Variants in LAMA3 observed in about 807,000 individuals in gnomAD.
LAMA3 encodes the protein laminin subunit alpha 3, also known as laminin subunit alpha-3.
LAMA3 carries 281 observed loss-of-function variants against 402.0 expected under a neutral mutation model. The observed-to-expected ratio is 0.70, with a 90% CI of 0.63 to 0.77. The LOEUF (loss-of-function observed/expected upper bound fraction) is 0.77, where lower values mean the gene tolerates loss of function less well. Among genes scored for constraint, LAMA3 ranks in the 30% least tolerant of loss-of-function variants. The pLI is 0.00. For synonymous variants in LAMA3, 1,431 were observed against 1,558.4 expected, an observed-to-expected ratio of 0.92 and a Z score of 1.93; for missense variants, 3,840 against 4,215.5, an observed-to-expected ratio of 0.91 and a Z score of 2.47.
intron 67 of LAMA3, among the ~76,000 whole-genome samples, chr18:23,934,586 C>A (rs1184389282): frequency 6.6e-6 from 1 of 152,214 alleles, no homozygotes; most frequent in Non-Finnish European, 1.5e-5. Flanking sequence ...TCAAGGTCAA[C>A]AATGTAACTT....
intron 19 of LAMA3, among the ~76,000 whole-genome samples, chr18:23,820,585 G>A (rs1244141293): frequency 6.6e-6 from 1 of 152,110 alleles, no homozygotes; most frequent in African/African-American, 2.4e-5. Flanking sequence ...GTATTAGAAT[G>A]AGTAGGGGAA....
intron 61 of LAMA3, 55 bp from the exon 62 acceptor site, chr18:23,921,397 G>A: frequency 1.3e-6 from 2 of 1,587,410 alleles, no homozygotes; most frequent in East Asian, 4.5e-5. Flanking sequence ...GAACCCCTGT[G>A]AATAGGATTC....
At chr18:23,945,532 T>G (rs2145519608) in intron 69 of LAMA3, among the ~76,000 whole-genome samples, 1 of 152,292 alleles carries the variant, frequency 6.6e-6, no homozygotes, top group South Asian at 2.1e-4. Flanking sequence ...TTGAGTGGCC[T>G]GTCAGACCTT....
intron 24 of LAMA3, among the ~76,000 whole-genome samples, chr18:23,835,918 G>C (rs2063572187): frequency 6.6e-6 from 1 of 152,138 alleles, no homozygotes; most frequent in Non-Finnish European, 1.5e-5. Flanking sequence ...TTTCAAAGTA[G>C]TGCTGTGATA....
intron 12 of LAMA3, among the ~76,000 whole-genome samples, chr18:23,808,457 C>A (rs1349879733): frequency 6.6e-6 from 1 of 152,082 alleles, no homozygotes; most frequent in African/African-American, 2.4e-5. Flanking sequence ...GGAAGGCTAA[C>A]TATATGTGTT....
At chr18:23,788,466 C>A (rs772452540) in intron 12 of LAMA3, among the ~76,000 whole-genome samples, 7 of 151,460 alleles carry the variant, frequency 4.6e-5, no homozygotes, top group Non-Finnish European at 8.9e-5. Flanking sequence ...ATATCTAATA[C>A]AGAAGAAAAC....
intron 2 of LAMA3, among the ~76,000 whole-genome samples, chr18:23,721,754 G>T (rs1271226425): frequency 3.3e-5 from 5 of 152,110 alleles, no homozygotes; most frequent in African/African-American, 7.2e-5. Flanking sequence ...ACCCATGGCA[G>T]CTCTCCCCAT....
intron 12 of LAMA3, chr18:23,795,982 G>A: frequency 2.9e-6 from 1 of 341,476 alleles, no homozygotes; most frequent in South Asian, 2.3e-5. Flanking sequence ...AGAGACACAA[G>A]ATAGCTCGTT....
chr18:23,896,745 G>A (rs1344782827), intron 44 of LAMA3, among the ~76,000 whole-genome samples: 1 of 152,124 alleles, frequency 6.6e-6, no homozygotes, highest in African/African-American at 2.4e-5. Context: ...CTACAGACCT[G>A]GATCTATGCT....
At chr18:23,780,371 G>C (rs1482887170) in intron 11 of LAMA3, among the ~76,000 whole-genome samples, 1 of 151,960 alleles carries the variant, frequency 6.6e-6, no homozygotes, top group African/African-American at 2.4e-5. Flanking sequence ...GGAGAAAGGA[G>C]AGAGACAGAA....
intron 1 of LAMA3, among the ~76,000 whole-genome samples, chr18:23,713,673 C>T (rs1383705444): frequency 1.3e-5 from 2 of 152,052 alleles, no homozygotes; most frequent in African/African-American, 4.8e-5. Flanking sequence ...GATAAATAGA[C>T]CCCATATCCT....
Position 23,879,342 on chromosome 18 carries a change from A to G in LAMA3, c.5113-2594A>G, listed in dbSNP as rs773637065. Among the ~76,000 whole-genome samples, 32 of 152,230 alleles carry G rather than the reference A, an allele frequency of 2.1e-4. No individual in the cohort carries two copies. The highest frequency in any genetic ancestry group is 3.2e-4 in the Non-Finnish European group (22 of 68,020). On this transcript the variant is annotated intron_variant, in intron 39 of 74. Transcript: ENST00000313654. This position sits in a 1 kb window ranked among gnomAD's most constrained non-coding sequence, Gnocchi z 4.2. Reference sequence around the variant, plus strand: ...TGCTATTGTGAGACTGAGGTTCTGCACGCTGTGTCCCCTGTGCCTGGAATG... The same window carrying G: ...TGCTATTGTGAGACTGAGGTTCTGCGCGCTGTGTCCCCTGTGCCTGGAATG...
chr18:23,853,708 C>G (rs1222191853), intron 32 of LAMA3, among the ~76,000 whole-genome samples: 1 of 152,224 alleles, frequency 6.6e-6, no homozygotes. Flanking sequence ...GATAAATTCT[C>G]TTGACCTGCC....
In LAMA3 at chr18:23,827,483, A is replaced by G. The variant is rs769137868; in HGVS notation, c.2823+16A>G. 3.1e-6 allele frequency: 5 copies of G among 1,613,374 alleles called. No homozygotes were observed. In the African/African-American group the frequency reaches 4.0e-5, roughly 13 times the overall value. On this transcript the variant is annotated intron_variant, in intron 23 of 74. Transcript: ENST00000313654. The stretch of plus-strand genomic sequence containing the variant: ...CGGGAGAGAGGTGGGCCAGCCTTTT[A>G]TTTATTATCAAAGTTATTACTACCT...
At chr18:23,788,009 A>G (rs1233090298) in intron 12 of LAMA3, among the ~76,000 whole-genome samples, 4 of 152,154 alleles carry the variant, frequency 2.6e-5, no homozygotes, top group African/African-American at 9.6e-5. Flanking sequence ...CCTATATCAT[A>G]TAAAAATGTA....
At chr18:23,943,463 T>C (rs1448061121) in intron 68 of LAMA3, among the ~76,000 whole-genome samples, 1 of 152,240 alleles carries the variant, frequency 6.6e-6, no homozygotes, top group East Asian at 1.9e-4. Flanking sequence ...ACCCTAACTT[T>C]TTAAAACATG....
chr18:23,895,198 A>G, intron 44 of LAMA3, 140 bp downstream of exon 44: 1 of 972,864 alleles, frequency 1.0e-6, no homozygotes, highest in Admixed American at 2.1e-5. Context: ...TGAAGATAAG[A>G]CTTTTCCTGG....
intron 2 of LAMA3, among the ~76,000 whole-genome samples, chr18:23,724,848 C>T (rs1015701971): frequency 2.4e-4 from 36 of 152,192 alleles, no homozygotes; most frequent in African/African-American, 8.7e-4. Flanking sequence ...GGCACCTCTT[C>T]TCTGCCTGCT....
intron 4 of LAMA3, among the ~76,000 whole-genome samples, chr18:23,750,432 GTTTTTTTTTTTTTTTTTTTTTT>G (rs66582854): frequency 9.1e-5 from 3 of 33,008 alleles, no homozygotes; most frequent in Non-Finnish European, 1.0e-4. Context: ...GGTTTACACA[GTTTTTTTTTTTTTTTTTTTTTT>G]TTTTTTTTTT....
Sources: allele counts gnomAD v4.1 joint callset (sites outside exome capture counted in the v4.1 genomes callset), GRCh38; gene constraint gnomAD v4.1.1; non-coding constraint Gnocchi (gnomAD v3.1); transcripts MANE v1.5; gene names NCBI Gene and HGNC (gene_info 2026-07-23, HGNC 2026-07-21).